Variants in CACNA1D observed in about 807,000 individuals in gnomAD.
CACNA1D encodes the protein voltage-dependent L-type calcium channel subunit alpha-1D.
A neutral mutation model predicts 257.1 loss-of-function variants in CACNA1D; 55 were observed. The observed-to-expected ratio is 0.21, with a 90% CI of 0.17 to 0.27. The LOEUF is 0.27. CACNA1D is among the 10% of genes least tolerant of loss of function. CACNA1D has a pLI of 1.00. For synonymous variants in CACNA1D, 980 were observed against 1,014.9 expected, an observed-to-expected ratio of 0.97 and a Z score of 0.65; for missense variants, 1,876 against 2,784.0, an observed-to-expected ratio of 0.67 and a Z score of 7.34.
chr3:53,785,240 G>A (rs894053619), intron 39 of CACNA1D, among the ~76,000 whole-genome samples: 2 of 152,158 alleles, frequency 1.3e-5, no homozygotes, highest in African/African-American at 4.8e-5. Flanking sequence ...CATTAGACAA[G>A]CCGAGACAGA....
intron 3 of CACNA1D, chr3:53,530,525 G>A (rs550167954): frequency 2.6e-5 from 4 of 152,298 alleles, no homozygotes; most frequent in African/African-American, 9.6e-5. Context: ...TCCAAGAGTC[G>A]AAGGAAGGTG....
At chr3:53,535,094 C>T (rs1209062092) in intron 3 of CACNA1D, among the ~76,000 whole-genome samples, 4 of 152,186 alleles carry the variant, frequency 2.6e-5, no homozygotes, top group Non-Finnish European at 1.5e-5. Flanking sequence ...AACCAAAGAG[C>T]GCTTGTTCAC....
Position 53,752,715 on chromosome 3 carries a change from C to T in CACNA1D, c.3675+808C>T, listed in dbSNP as rs528703343. Among the ~76,000 whole-genome samples the T allele has an allele frequency of 2.6e-5, 4 of 152,278 alleles. No homozygotes were observed. The East Asian group carries it at 7.7e-4, about 29-fold the overall frequency. On this transcript the variant is annotated intron_variant, in intron 28 of 47. Transcript: ENST00000350061. ...GCCCGGCACCTTTGGACACTTTGATCTGGGCCTGTCACAGAGTAACACTCA... is the reference window on the plus strand; with the variant it reads ...GCCCGGCACCTTTGGACACTTTGATTTGGGCCTGTCACAGAGTAACACTCA...
At chr3:53,742,925 T>C in intron 21 of CACNA1D, 86 bp from the exon 22 acceptor site, 1 of 845,742 alleles carries the variant, frequency 1.2e-6, no homozygotes, top group Non-Finnish European at 2.1e-6. Flanking sequence ...AATGAAGTTA[T>C]ACTTTCCTCA....
At chr3:53,619,183 G>A (rs114642679) in intron 3 of CACNA1D, among the ~76,000 whole-genome samples, 2,309 of 152,184 alleles carry the variant, frequency 0.015, 54 homozygotes, top group African/African-American at 0.05. Context: ...TCCCAACCCC[G>A]CACTCCCAAG....
intron 39 of CACNA1D, among the ~76,000 whole-genome samples, chr3:53,783,597 G>GCCCAGTGCAGGGCTTA (rs1211167899): frequency 4.0e-4 from 61 of 152,308 alleles, no homozygotes; most frequent in Admixed American, 9.8e-4. Flanking sequence ...TGAGTGATGT[G>GCCCAGTGCAGGGCTTA]CCCAGTGCAG....
At chr3:53,582,898 G>A (rs537925868) in intron 3 of CACNA1D, among the ~76,000 whole-genome samples, 24 of 152,256 alleles carry the variant, frequency 1.6e-4, no homozygotes, top group African/African-American at 4.8e-4. Context: ...GTGTACATGT[G>A]CACCTTTCCC....
At chr3:53,567,003 G>A (rs1033924848) in intron 3 of CACNA1D, among the ~76,000 whole-genome samples, 1 of 152,338 alleles carries the variant, frequency 6.6e-6, no homozygotes, top group East Asian at 1.9e-4. Flanking sequence ...AAGGGGAGCA[G>A]CAGATTAGGC....
rs72556358 is a variant in CACNA1D, at chr3:53,753,437, C to T, written c.3676-135C>T. On this transcript the variant is annotated intron_variant, in intron 28 of 47. Transcript: ENST00000350061. ...AGTTCACCACATGACCTTGCAATGC[C>T]GGTGGAATTGCCCAGCGAGGGTGCT... 1,379 of 728,422 alleles carry T rather than the reference C, an allele frequency of 1.9e-3. 13 individuals are homozygous for T. The highest frequency in any genetic ancestry group is 0.018 in the African/African-American group (1,070 of 57,898). The allele number at this position is 728,422 out of a possible 1,614,324, so 45.1% of individuals were successfully genotyped here.
chr3:53,734,501 T>C (rs993013188), intron 19 of CACNA1D, among the ~76,000 whole-genome samples: 1 of 152,098 alleles, frequency 6.6e-6, no homozygotes, highest in African/African-American at 2.4e-5. Flanking sequence ...AATACATACA[T>C]GTGTATATGT....
At chr3:53,694,747 C>T (rs556047102) in intron 8 of CACNA1D, among the ~76,000 whole-genome samples, 2 of 152,270 alleles carry the variant, frequency 1.3e-5, no homozygotes, top group East Asian at 3.9e-4. Context: ...ATGGCAGAGA[C>T]TCAGGCTGTT....
chr3:53,790,342 C>A (rs1304102990), intron 40 of CACNA1D, among the ~76,000 whole-genome samples: 1 of 152,228 alleles, frequency 6.6e-6, no homozygotes, highest in African/African-American at 2.4e-5. Context: ...ACTCATTAGT[C>A]CAGTGTCTTG....
intron 3 of CACNA1D, among the ~76,000 whole-genome samples, chr3:53,615,596 G>A (rs1447901481): frequency 2.0e-5 from 3 of 152,218 alleles, no homozygotes; most frequent in Non-Finnish European, 4.4e-5. Flanking sequence ...TAAAGTTGCT[G>A]AGACAGGAAT....
At chr3:53,538,099 G>A (rs554472991) in intron 3 of CACNA1D, among the ~76,000 whole-genome samples, 4 of 144,004 alleles carry the variant, frequency 2.8e-5, no homozygotes, top group Admixed American at 2.7e-4. Context: ...ACATTTATTG[G>A]CTTAAATGTT....
intron 3 of CACNA1D, among the ~76,000 whole-genome samples, chr3:53,606,486 A>G (rs1481627072): frequency 6.6e-6 from 1 of 152,224 alleles, no homozygotes; most frequent in African/African-American, 2.4e-5. Flanking sequence ...CTGCTTTGAT[A>G]GCCTTGACCA....
intron 10 of CACNA1D, chr3:53,718,833 C>T (rs1443797205): frequency 7.0e-6 from 8 of 1,148,878 alleles, no homozygotes; most frequent in South Asian, 1.3e-5. Flanking sequence ...GAATGTGCTA[C>T]GTATTTAAGT....
intron 3 of CACNA1D, among the ~76,000 whole-genome samples, chr3:53,520,904 CT>C (rs879374890): frequency 0.096 from 9,527 of 99,730 alleles, 320 homozygotes; most frequent in Non-Finnish European, 0.1. Context: ...CTTTTCTTTT[CT>C]TTTCTTTTCT....
intron 8 of CACNA1D, among the ~76,000 whole-genome samples, chr3:53,694,516 G>A (rs1031961088): frequency 9.2e-5 from 14 of 152,124 alleles, no homozygotes; most frequent in African/African-American, 1.4e-4. Context: ...GGTTAGTAAC[G>A]CTGTTGTTCT....
At chr3:53,618,541 G>T (rs1476067048) in intron 3 of CACNA1D, among the ~76,000 whole-genome samples, 1 of 152,130 alleles carries the variant, frequency 6.6e-6, no homozygotes, top group Non-Finnish European at 1.5e-5. Context: ...GATCCTGAGA[G>T]CCCCACACTC....
Sources: allele counts gnomAD v4.1 joint callset (sites outside exome capture counted in the v4.1 genomes callset), GRCh38; gene constraint gnomAD v4.1.1; transcripts MANE v1.5; gene names NCBI Gene and HGNC (gene_info 2026-07-23, HGNC 2026-07-21).